CALCOCO1: variants seen among roughly 807,000 people sequenced by gnomAD.
The protein encoded by CALCOCO1 is calcium-binding and coiled-coil domain-containing protein 1.
Under a neutral mutation model 86.3 loss-of-function variants are expected in CALCOCO1, and 44 were observed. That is an observed-to-expected ratio of 0.51 (90% CI 0.40 to 0.66). The LOEUF is 0.66. Among genes scored for constraint, CALCOCO1 ranks in the 30% least tolerant of loss-of-function variants. The pLI is 0.00. For missense variants in CALCOCO1, 708 were observed against 851.1 expected (o/e 0.83, Z 2.09); for synonymous variants, 297 against 327.6 (o/e 0.91, Z 1.01).
At chr12:53,716,108 G>A in intron 8 of CALCOCO1, 61 bp from the exon 9 acceptor site, 1 of 1,600,444 alleles carries the variant, frequency 6.2e-7, no homozygotes, top group Non-Finnish European at 8.5e-7. Flanking sequence ...CAGCCAGGGA[G>A]GTAAACGCTC....
rs945560704 is a variant in CALCOCO1, at chr12:53,711,241, T to G, written c.*703A>C. The G allele has an allele frequency of 3.0e-5, 12 of 398,872 alleles. No homozygotes were observed. The highest frequency in any genetic ancestry group is 4.4e-5 in the Non-Finnish European group (10 of 226,044). The allele number at this position is 398,872 out of a possible 1,614,324, so 24.7% of individuals were successfully genotyped here. On this transcript the variant is annotated 3_prime_UTR_variant, in exon 15 of 15. Transcript: ENST00000550804. Reference sequence around the variant, plus strand: ...TGGAAATGGGGATACCTGGGACCACTTGTTCCCCCCATTCCTCACAGAAGG... The same window carrying G: ...TGGAAATGGGGATACCTGGGACCACGTGTTCCCCCCATTCCTCACAGAAGG...
In CALCOCO1 at chr12:53,709,075, C is replaced by T. The variant is rs1945506855; in HGVS notation, c.*2869G>A. The T allele has an allele frequency of 6.6e-6, 1 of 152,216 alleles. No homozygotes were observed. Among genetic ancestry groups the T allele is most frequent in the Non-Finnish European group, 1.5e-5 (1 of 68,046 alleles). 9.4% of individuals were successfully genotyped at this position (152,216 alleles called of 1,614,324 possible). ...TGTGTTTGGATTCGTTCTTTCACCA[C>T]CAAATACTGACGCGAGTTCCTATTT... On this transcript the variant is annotated 3_prime_UTR_variant, in exon 15 of 15. Transcript: ENST00000550804.
chr12:53,724,537 T>A, intron 3 of CALCOCO1, 108 bp downstream of exon 3: 1 of 798,134 alleles, frequency 1.3e-6, no homozygotes, highest in East Asian at 2.7e-5. Flanking sequence ...TTTCGTTTAT[T>A]TTTCCTTGTC....
intron 7 of CALCOCO1, 42 bp downstream of exon 7, chr12:53,719,697 G>T: frequency 7.1e-7 from 1 of 1,413,916 alleles, no homozygotes; most frequent in Non-Finnish European, 1.0e-6. Flanking sequence ...ATCAAACACT[G>T]GCTGGACAAT....
In CALCOCO1 at chr12:53,719,892, C is replaced by T. The variant is rs889911597; in HGVS notation, c.759-63G>A. Reference sequence around the variant, plus strand: ...CACCCAGAGAAGGAATGGACTCAGGCCTCTGTCTTGTGCTCTGCTGCTGCT... The same window carrying T: ...CACCCAGAGAAGGAATGGACTCAGGTCTCTGTCTTGTGCTCTGCTGCTGCT... On this transcript the variant is annotated intron_variant, in intron 6 of 14. Transcript: ENST00000550804. 57 of 1,157,112 alleles carry T rather than the reference C, an allele frequency of 4.9e-5. No individual in the cohort carries two copies. The East Asian group carries it at 1.3e-3, about 27-fold the overall frequency. 71.7% of individuals were successfully genotyped at this position (1,157,112 alleles called of 1,614,324 possible). A position where few individuals can be genotyped will look rare whatever the true frequency, so the allele number is the denominator to read the frequency against.
Position 53,715,820 on chromosome 12 carries a change from C to G in CALCOCO1, c.1233G>C (p.Glu411Asp). 6.2e-7 allele frequency: 1 copy of G among 1,613,854 alleles called. No individual in the cohort carries two copies. Among genetic ancestry groups the G allele is most frequent in the Non-Finnish European group, 8.5e-7 (1 of 1,180,040 alleles). ...LKEEKCQWSK[E>D]RAGLLQSVEA... is the part of the protein sequence containing the mutation. ...CCACACTCTGCAGCAGCCCTGCCCGCTCCTTGCTCCATTGGCATTTTTCTT... is the reference window on the plus strand; with the variant it reads ...CCACACTCTGCAGCAGCCCTGCCCGGTCCTTGCTCCATTGGCATTTTTCTT... The change falls in exon 9 of 15, where the codon GAG becomes GAC. Residue 411 changes from glutamate (E) to aspartate (D), a missense_variant. Glu to Asp is a conservative substitution (Grantham distance 45, BLOSUM62 2). Coordinates refer to ENST00000550804, the MANE Select transcript of CALCOCO1 (RefSeq NM_020898.3).
At chr12:53,712,145 G>C in intron 14 of CALCOCO1, 24 bp from the exon 15 acceptor site, 2 of 1,570,324 alleles carry the variant, frequency 1.3e-6, no homozygotes, top group Non-Finnish European at 1.7e-6. Flanking sequence ...AGGGGAAAGG[G>C]AGAGGGTCGG....
intron 14 of CALCOCO1, 193 bp from the exon 15 acceptor site, chr12:53,712,314 T>C: frequency 5.3e-6 from 3 of 570,590 alleles, no homozygotes; most frequent in Non-Finnish European, 9.3e-6. Context: ...CCCCATGTCC[T>C]CTCTTCTTTA....
chr12:53,726,094 C>A (rs1462907881), intron 1 of CALCOCO1: 1 of 152,166 alleles, frequency 6.6e-6, no homozygotes, highest in Non-Finnish European at 1.5e-5. Context: ...GAAAGCCCCA[C>A]CCCAGGGCAG....
At chr12:53,721,950 C>A in intron 5 of CALCOCO1, 75 bp downstream of exon 5, 3 of 1,544,284 alleles carry the variant, frequency 1.9e-6, no homozygotes, top group Non-Finnish European at 8.9e-7. Flanking sequence ...CTCTCCTTCA[C>A]CCTCTTCACT....
chr12:53,718,464 A>G (rs1326875375), intron 7 of CALCOCO1, among the ~76,000 whole-genome samples: 2 of 152,126 alleles, frequency 1.3e-5, no homozygotes, highest in Non-Finnish European at 2.9e-5. Context: ...AAGATTAAAA[A>G]CTTTATTGGT....
chr12:53,714,822 C>T (rs1593078681), intron 10 of CALCOCO1, 129 bp from the exon 11 acceptor site: 1 of 647,436 alleles, frequency 1.5e-6, no homozygotes, highest in East Asian at 2.7e-5. Context: ...CTCTGACACA[C>T]ACACACAGGA....
Position 53,721,451 on chromosome 12 carries a change from A to T in CALCOCO1, c.758+16T>A, listed in dbSNP as rs747706716. On this transcript the variant is annotated intron_variant, in intron 6 of 14. Coordinates refer to ENST00000550804, the MANE Select transcript of CALCOCO1 (RefSeq NM_020898.3). ...GGAAGGGAGAGGAAGTGACGGGGTC[A>T]GTGGACTCCCCTCACCTGTCCAGCT... 6 of 1,585,690 alleles carry T rather than the reference A, an allele frequency of 3.8e-6. No individual in the cohort carries two copies. Among genetic ancestry groups the T allele is most frequent in the Non-Finnish European group, 5.1e-6 (6 of 1,169,024 alleles).
At chr12:53,724,286 T>G (rs964334175) in intron 3 of CALCOCO1, 10 of 376,038 alleles carry the variant, frequency 2.7e-5, no homozygotes, top group African/African-American at 1.9e-4. Context: ...GGTTATGTAA[T>G]TTGCCCAAGG....
chr12:53,710,207 A>G lies in CALCOCO1; in HGVS notation c.*1737T>C, dbSNP rs1945520170. ...AGGGGTTGGGATGGAGAGAGGAGAG[A>G]TCCATTATCTCTAATTTCCTTGGAA... On this transcript the variant is annotated 3_prime_UTR_variant, in exon 15 of 15. Transcript: ENST00000550804. 6.6e-6 allele frequency: 1 copy of G among 152,210 alleles called. No individual in the cohort carries two copies. Among genetic ancestry groups the G allele is most frequent in the Non-Finnish European group, 1.5e-5 (1 of 68,040 alleles). The allele number at this position is 152,210 out of a possible 1,614,324, so 9.4% of individuals were successfully genotyped here. A position where few individuals can be genotyped will look rare whatever the true frequency, so the allele number is the denominator to read the frequency against.
rs1469691239 is a variant in CALCOCO1, at chr12:53,708,725, T to C, written c.*3219A>G. 2.0e-5 allele frequency: 3 copies of C among 152,180 alleles called. No individual in the cohort carries two copies. The highest frequency in any genetic ancestry group is 4.4e-5 in the Non-Finnish European group (3 of 68,032). The allele number at this position is 152,180 out of a possible 1,614,324, so 9.4% of individuals were successfully genotyped here. On this transcript the variant is annotated 3_prime_UTR_variant, in exon 15 of 15. Transcript: ENST00000550804. ...TATAAGCATAGAATCTGCCTTCAAG[T>C]TGCTTACAGTTTAGGGAGAATAAAA... is the stretch of plus-strand genomic sequence containing the variant.
chr12:53,711,225 G>T lies in CALCOCO1; in HGVS notation c.*719C>A, dbSNP rs1945541744. The T allele has an allele frequency of 2.5e-6, 1 of 398,914 alleles. No individual in the cohort carries two copies. The highest frequency in any genetic ancestry group is 4.4e-6 in the Non-Finnish European group (1 of 226,032). 24.7% of individuals were successfully genotyped at this position (398,914 alleles called of 1,614,324 possible). A position where few individuals can be genotyped will look rare whatever the true frequency, so the allele number is the denominator to read the frequency against. On this transcript the variant is annotated 3_prime_UTR_variant, in exon 15 of 15. Coordinates refer to ENST00000550804, the MANE Select transcript of CALCOCO1 (RefSeq NM_020898.3). ...AGAGGGAGGGGGGCCTTGGAAATGGGGATACCTGGGACCACTTGTTCCCCC... is the reference window on the plus strand; with the variant it reads ...AGAGGGAGGGGGGCCTTGGAAATGGTGATACCTGGGACCACTTGTTCCCCC...
intron 14 of CALCOCO1, 72 bp downstream of exon 14, chr12:53,713,028 G>T: frequency 1.4e-6 from 2 of 1,410,520 alleles, no homozygotes; most frequent in South Asian, 1.2e-5. Context: ...AGGGCCTGGT[G>T]ACTGTCCACA....
In CALCOCO1 at chr12:53,712,065, G is replaced by T. The variant is rs145546799; in HGVS notation, c.1955C>A (p.Thr652Lys). Residue 652 changes from threonine to lysine, a missense_variant, in exon 15 of 15, where the codon ACA becomes AAA. Physicochemically the swap from Thr to Lys is moderately conservative, Grantham distance 78 (BLOSUM62 -1). Transcript: ENST00000550804. Reference protein sequence around the residue: ...ETSTGGPATPTWKECPICKER... With the variant: ...ETSTGGPATPKWKECPICKER... Reference sequence around the variant, plus strand: ...CTTACAGATAGGACACTCCTTCCATGTGGGGGTGGCAGGGCCCCCAGTGCT... The same window carrying T: ...CTTACAGATAGGACACTCCTTCCATTTGGGGGTGGCAGGGCCCCCAGTGCT... The T allele has an allele frequency of 4.3e-5, 69 of 1,611,986 alleles. No individual in the cohort carries two copies. The highest frequency in any genetic ancestry group is 2.9e-5 in the Non-Finnish European group (34 of 1,179,128).
Sources: gnomAD v4.1 joint callset for allele counts (sites outside exome capture counted in the v4.1 genomes callset) on GRCh38, gnomAD v4.1.1 for gene constraint, MANE v1.5 for transcripts, NCBI Gene and HGNC (gene_info 2026-07-23, HGNC 2026-07-21) for gene names.